SHROOM3: variants seen among roughly 807,000 people sequenced by gnomAD.
SHROOM3 encodes protein Shroom3.
Under a neutral mutation model 138.6 loss-of-function variants are expected in SHROOM3, and 47 were observed. That is an observed-to-expected ratio of 0.34 (90% confidence interval 0.27 to 0.43). The LOEUF (loss-of-function observed/expected upper bound fraction) is 0.43, where lower values mean the gene tolerates loss of function less well. Among genes scored for constraint, SHROOM3 ranks in the 20% least tolerant of loss-of-function variants. The probability of loss-of-function intolerance (pLI) is 1.00; values close to 1 mark genes in which losing one functional copy is unlikely to be tolerated. For synonymous variants in SHROOM3, 1,062 were observed against 1,063.3 expected, an observed-to-expected ratio of 1.00 and a Z score of 0.02; for missense variants, 2,491 against 2,596.5, an observed-to-expected ratio of 0.96 and a Z score of 0.88.
intron 2 of SHROOM3, among the ~76,000 whole-genome samples, chr4:76,594,645 T>C (rs1002648491): frequency 2.3e-4 from 35 of 152,216 alleles, no homozygotes; most frequent in Admixed American, 2.3e-3. Context: ...TCACATTGCA[T>C]TGGAAGTGTA....
At chr4:76,550,826 T>G (rs1435194816) in intron 1 of SHROOM3, among the ~76,000 whole-genome samples, 1 of 151,802 alleles carries the variant, frequency 6.6e-6, no homozygotes, top group African/African-American at 2.4e-5. Flanking sequence ...TAGTGAGACC[T>G]GTCTCCACAA....
At chr4:76,698,915 A>T (rs1479316035) in intron 2 of SHROOM3, among the ~76,000 whole-genome samples, 1 of 152,100 alleles carries the variant, frequency 6.6e-6, no homozygotes, top group Non-Finnish European at 1.5e-5. Flanking sequence ...TTTGGATTTA[A>T]ATATTTATAT....
chr4:76,738,718 T>A, intron 4 of SHROOM3, 43 bp from the exon 5 acceptor site: 1 of 1,609,304 alleles, frequency 6.2e-7, no homozygotes, highest in Admixed American at 1.7e-5. Flanking sequence ...GCCTACTAAA[T>A]GATAACAGCT....
intron 2 of SHROOM3, among the ~76,000 whole-genome samples, chr4:76,642,737 G>C (rs1735705990): frequency 6.6e-6 from 1 of 152,148 alleles, no homozygotes; most frequent in East Asian, 1.9e-4. Context: ...GAGGTGCCAG[G>C]AACAAGGGCT....
intron 2 of SHROOM3, among the ~76,000 whole-genome samples, chr4:76,579,094 C>T (rs931945167): frequency 1.9e-4 from 29 of 151,950 alleles, no homozygotes; most frequent in African/African-American, 5.6e-4. Flanking sequence ...GTGGGAGGAT[C>T]GCTTGAGCCC....
At chr4:76,616,570 C>T (rs1466224671) in intron 2 of SHROOM3, among the ~76,000 whole-genome samples, 1 of 152,124 alleles carries the variant, frequency 6.6e-6, no homozygotes, top group Non-Finnish European at 1.5e-5. Context: ...TGAAATAAGC[C>T]AGTCACAAAA....
chr4:76,621,513 T>C (rs1309233663), intron 2 of SHROOM3, among the ~76,000 whole-genome samples: 1 of 152,200 alleles, frequency 6.6e-6, no homozygotes, highest in African/African-American at 2.4e-5. Context: ...TGCAGGGCAG[T>C]GGTTTGGGTG....
At chr4:76,538,887 AG>A (rs1733039431) in intron 1 of SHROOM3, among the ~76,000 whole-genome samples, 2 of 152,136 alleles carry the variant, frequency 1.3e-5, no homozygotes, top group African/African-American at 4.8e-5. Context: ...AGTATAGTGG[AG>A]GGCTGTTCTG....
At chr4:76,776,868 C>G (rs896066060) in intron 10 of SHROOM3, among the ~76,000 whole-genome samples, 1 of 152,056 alleles carries the variant, frequency 6.6e-6, no homozygotes, top group East Asian at 1.9e-4. Flanking sequence ...CCTTTCTTCA[C>G]TTTGTTTTTG....
intron 1 of SHROOM3, among the ~76,000 whole-genome samples, chr4:76,516,946 A>G (rs1193719405): frequency 1.3e-5 from 2 of 152,182 alleles, no homozygotes; most frequent in African/African-American, 4.8e-5. Flanking sequence ...TTATGTTCTC[A>G]CTTAAGGAAA....
Position 76,643,211 on chromosome 4 carries a change from C to CA in SHROOM3, c.324-66926dup, listed in dbSNP as rs34800196. Among the ~76,000 whole-genome samples the CA allele has an allele frequency of 1.8e-3, 222 of 125,110 alleles. 1 individual carries two copies. The highest frequency in any genetic ancestry group is 5.8e-3 in the South Asian group (22 of 3,762). 82.1% of individuals were successfully genotyped at this position (125,110 alleles called of 152,430 possible). ...CGTGCCATTTTTTGAGATGCTGTCT[C>CA]AAAAAAAAAAAAAAAAAAAGAATGA... On this transcript the variant is annotated intron_variant, in intron 2 of 10. Transcript: ENST00000296043.
chr4:76,580,691 G>T (rs1346374084), intron 2 of SHROOM3, among the ~76,000 whole-genome samples: 1 of 152,160 alleles, frequency 6.6e-6, no homozygotes, highest in Non-Finnish European at 1.5e-5. Context: ...CTCCCAAAGT[G>T]CTGGGATTAC....
At chr4:76,619,647 G>GT (rs1273136067) in intron 2 of SHROOM3, among the ~76,000 whole-genome samples, 1 of 152,160 alleles carries the variant, frequency 6.6e-6, no homozygotes, top group African/African-American at 2.4e-5. Flanking sequence ...GCGAGCTACT[G>GT]TTTTTATTGT....
At chr4:76,650,098 T>C (rs1735919752) in intron 2 of SHROOM3, among the ~76,000 whole-genome samples, 1 of 152,162 alleles carries the variant, frequency 6.6e-6, no homozygotes, top group Admixed American at 6.5e-5. Context: ...TCTCTACTTA[T>C]AATGATATTA....
intron 2 of SHROOM3, among the ~76,000 whole-genome samples, chr4:76,657,891 G>A (rs1413723959): frequency 6.6e-6 from 1 of 152,206 alleles, no homozygotes; most frequent in Non-Finnish European, 1.5e-5. Context: ...TGCCAGCTGG[G>A]TGTTCCCTTC....
intron 2 of SHROOM3, among the ~76,000 whole-genome samples, chr4:76,641,410 G>A (rs1323755720): frequency 2.0e-5 from 3 of 152,044 alleles, no homozygotes; most frequent in African/African-American, 7.2e-5. Flanking sequence ...CCCACAGGAA[G>A]GAGAATTTCC....
chr4:76,472,332 T>C (rs1731392054), intron 1 of SHROOM3, among the ~76,000 whole-genome samples: 1 of 152,226 alleles, frequency 6.6e-6, no homozygotes, highest in African/African-American at 2.4e-5. Flanking sequence ...TCTTTATTAA[T>C]TCAATGATAT....
intron 2 of SHROOM3, among the ~76,000 whole-genome samples, chr4:76,578,183 G>A (rs1260853828): frequency 6.6e-6 from 1 of 152,206 alleles, no homozygotes; most frequent in Non-Finnish European, 1.5e-5. Flanking sequence ...AAAAGTACTT[G>A]AACTTTGGAG....
At chr4:76,536,626 A>G (rs1022948206) in intron 1 of SHROOM3, among the ~76,000 whole-genome samples, 4 of 152,226 alleles carry the variant, frequency 2.6e-5, no homozygotes, top group African/African-American at 9.6e-5. Context: ...TATAATAATC[A>G]TCATCCCAAA....
Sources: allele counts gnomAD v4.1 joint callset (sites outside exome capture counted in the v4.1 genomes callset), GRCh38; gene constraint gnomAD v4.1.1; transcripts MANE v1.5; gene names NCBI Gene and HGNC (gene_info 2026-07-23, HGNC 2026-07-21).